CNTN5: variants seen among roughly 807,000 people sequenced by gnomAD.
CNTN5 encodes the protein contactin-5.
CNTN5 carries 77 observed loss-of-function variants against 129.1 expected under a neutral mutation model. That is an observed-to-expected ratio of 0.60 (90% CI 0.50 to 0.72). CNTN5 has a LOEUF of 0.72. Ranked by LOEUF, CNTN5 falls within the 30% of genes least tolerant of loss-of-function variation. The pLI is 0.00. For missense variants in CNTN5, 1,478 were observed against 1,328.8 expected (o/e 1.11, Z -1.75); for synonymous variants, 509 against 465.6 (o/e 1.09, Z -1.20).
chr11:99,729,427 T>C (rs185288571), intron 3 of CNTN5, among the ~76,000 whole-genome samples: 4 of 152,266 alleles, frequency 2.6e-5, no homozygotes, highest in Admixed American at 2.6e-4. Flanking sequence ...CCAATAGTTA[T>C]TTTTTTCTGC....
At chr11:99,681,515 A>G (rs763024009) in intron 3 of CNTN5, among the ~76,000 whole-genome samples, 6 of 152,114 alleles carry the variant, frequency 3.9e-5, no homozygotes, top group Admixed American at 6.5e-5. Flanking sequence ...GGCTTAGATG[A>G]TAGCATTTTT....
chr11:99,149,585 C>T lies in CNTN5; in HGVS notation c.-210+128315C>T, dbSNP rs532172055. 5.9e-5 allele frequency among the ~76,000 whole-genome samples: 9 copies of T among 152,086 alleles called. 1 individual carries two copies. In the South Asian group the frequency reaches 1.9e-3, roughly 31 times the overall value. On this transcript the variant is annotated intron_variant, in intron 1 of 24. Coordinates refer to ENST00000524871, the MANE Select transcript of CNTN5 (RefSeq NM_014361.4). Reference sequence around the variant, plus strand: ...ATTTTAAAGAAGCAAATCAACAAAACTGTTGGCAACAGCTTAGCAACTTCT... The same window carrying T: ...ATTTTAAAGAAGCAAATCAACAAAATTGTTGGCAACAGCTTAGCAACTTCT...
chr11:99,959,865 T>C (rs1478519056), intron 8 of CNTN5, among the ~76,000 whole-genome samples: 1 of 152,208 alleles, frequency 6.6e-6, no homozygotes, highest in Non-Finnish European at 1.5e-5. Flanking sequence ...AGCTACAAAA[T>C]TTACATTTGT....
intron 7 of CNTN5, among the ~76,000 whole-genome samples, chr11:99,930,091 T>C (rs1402624551): frequency 2.6e-5 from 4 of 152,098 alleles, no homozygotes; most frequent in African/African-American, 9.7e-5. Flanking sequence ...AATCGCAGTA[T>C]GTAGAGTGAC....
chr11:99,391,527 A>G (rs1012841245), intron 2 of CNTN5, among the ~76,000 whole-genome samples: 1 of 152,148 alleles, frequency 6.6e-6, no homozygotes, highest in African/African-American at 2.4e-5. Flanking sequence ...TCGCTAAGAT[A>G]TATACAGCAT....
At chr11:99,826,135 C>T (rs947375379) in intron 4 of CNTN5, among the ~76,000 whole-genome samples, 1 of 151,784 alleles carries the variant, frequency 6.6e-6, no homozygotes, top group Non-Finnish European at 1.5e-5. Context: ...GTTCTTATTC[C>T]TATTATTGAC....
intron 3 of CNTN5, among the ~76,000 whole-genome samples, chr11:99,651,505 C>G (rs1952155681): frequency 6.6e-6 from 1 of 151,926 alleles, no homozygotes; most frequent in South Asian, 2.1e-4. Flanking sequence ...CTTCATGCCC[C>G]TAGTAAGAAT....
rs541984346 is a variant in CNTN5 at position 99,312,527 on chromosome 11, C to T, written c.-209-12819C>T. Among the ~76,000 whole-genome samples the T allele has an allele frequency of 9.2e-5, 14 of 152,178 alleles. No homozygotes were observed. In the East Asian group the frequency reaches 2.5e-3, roughly 27 times the overall value. On this transcript the variant is annotated intron_variant, in intron 1 of 24. Transcript: ENST00000524871. ...AATTGTTTCTGCTATAATATCCTTC[C>T]TTTTCATTCAGCAGAATGCATTATA...
chr11:99,845,376 T>TTTC (rs1947654403), intron 6 of CNTN5, 114 bp downstream of exon 6: 1 of 576,234 alleles, frequency 1.7e-6, no homozygotes, highest in Non-Finnish European at 2.5e-6. Context: ...CTTTTTTTTT[T>TTTC]TTTTTTTTTT....
At chr11:99,502,985 A>G (rs1946482195) in intron 2 of CNTN5, among the ~76,000 whole-genome samples, 1 of 152,182 alleles carries the variant, frequency 6.6e-6, no homozygotes, top group South Asian at 2.1e-4. Flanking sequence ...ACAATTTCCC[A>G]AACTTTTATA....
intron 3 of CNTN5, among the ~76,000 whole-genome samples, chr11:99,776,503 T>G (rs143391710): frequency 1.3e-5 from 2 of 151,934 alleles, no homozygotes; most frequent in African/African-American, 4.8e-5. Flanking sequence ...CTTACATAAC[T>G]CATACTGAGC....
At chr11:99,534,378 C>A (rs10750316) in intron 2 of CNTN5, among the ~76,000 whole-genome samples, 1 of 151,986 alleles carries the variant, frequency 6.6e-6, no homozygotes, top group South Asian at 2.1e-4. Flanking sequence ...ATGAGATTTT[C>A]ATTTAAATAG....
At chr11:99,713,071 G>C (rs114128293) in intron 3 of CNTN5, among the ~76,000 whole-genome samples, 1 of 151,984 alleles carries the variant, frequency 6.6e-6, no homozygotes, top group East Asian at 1.9e-4. Flanking sequence ...AAATTACTTC[G>C]GGCAATGTTG....
At chr11:99,361,384 A>G (rs1407174862) in intron 2 of CNTN5, among the ~76,000 whole-genome samples, 1 of 152,162 alleles carries the variant, frequency 6.6e-6, no homozygotes, top group African/African-American at 2.4e-5. Context: ...AGAGTTAGAC[A>G]CCTAACATAG....
chr11:100,263,896 T>C (rs2138757275), intron 17 of CNTN5, among the ~76,000 whole-genome samples: 1 of 152,238 alleles, frequency 6.6e-6, no homozygotes, highest in Non-Finnish European at 1.5e-5. Context: ...AGGTTTTCCT[T>C]GTGGATACAT....
chr11:99,290,589 A>G (rs866995420), intron 1 of CNTN5, among the ~76,000 whole-genome samples: 4 of 151,888 alleles, frequency 2.6e-5, no homozygotes, highest in African/African-American at 9.7e-5. Context: ...GCTGAAGATC[A>G]GGTAGGGAAG....
At chr11:99,177,398 A>G (rs974491695) in intron 1 of CNTN5, among the ~76,000 whole-genome samples, 1 of 152,224 alleles carries the variant, frequency 6.6e-6, no homozygotes, top group Non-Finnish European at 1.5e-5. Flanking sequence ...GAATGAGTGA[A>G]TAAATGAATG....
intron 1 of CNTN5, among the ~76,000 whole-genome samples, chr11:99,318,183 C>T (rs1474803768): frequency 2.6e-5 from 4 of 152,148 alleles, no homozygotes; most frequent in Admixed American, 1.3e-4. Context: ...CTATTGATAA[C>T]TTTAAGTAAA....
intron 3 of CNTN5, among the ~76,000 whole-genome samples, chr11:99,573,070 G>C (rs904072489): frequency 2.0e-5 from 3 of 151,922 alleles, no homozygotes; most frequent in African/African-American, 7.3e-5. Flanking sequence ...TTGTCAAATG[G>C]AATATAATTA....
Sources: gnomAD v4.1 joint callset for allele counts (sites outside exome capture counted in the v4.1 genomes callset) on GRCh38, gnomAD v4.1.1 for gene constraint, MANE v1.5 for transcripts, NCBI Gene and HGNC (gene_info 2026-07-23, HGNC 2026-07-21) for gene names.